MAGI2: variants seen among roughly 807,000 people sequenced by gnomAD.
MAGI2 encodes the protein membrane associated guanylate kinase, WW and PDZ domain containing 2, also known as membrane-associated guanylate kinase, WW and PDZ domain-containing protein 2.
MAGI2 carries 35 observed loss-of-function variants against 133.3 expected under a neutral mutation model. The ratio of observed to expected loss-of-function variants is 0.26; its 90% CI spans 0.20 to 0.35. MAGI2 has a LOEUF of 0.35. MAGI2 is among the 10% of genes least tolerant of loss of function. The pLI, the probability that MAGI2 is intolerant of heterozygous loss-of-function variation, is 1.00. For synonymous variants in MAGI2, 729 were observed against 710.6 expected (o/e 1.03, Z -0.41); for missense variants, 1,636 against 1,863.4 (o/e 0.88, Z 2.25).
At chr7:79,187,870 G>GTTTTT in intron 1 of MAGI2, among the ~76,000 whole-genome samples, 2 of 151,796 alleles carry the variant, frequency 1.3e-5, no homozygotes, top group Non-Finnish European at 2.9e-5. Context: ...TGAGATACAG[G>GTTTTT]AGACCTAAAT....
At chr7:79,025,848 A>G (rs1242887756) in intron 1 of MAGI2, among the ~76,000 whole-genome samples, 1 of 152,238 alleles carries the variant, frequency 6.6e-6, no homozygotes, top group East Asian at 1.9e-4. Flanking sequence ...ACTGGAAAAG[A>G]AAGCTATTTA....
At chr7:79,222,948 T>A (rs1161071563) in intron 1 of MAGI2, among the ~76,000 whole-genome samples, 1 of 151,964 alleles carries the variant, frequency 6.6e-6, no homozygotes, top group Admixed American at 6.6e-5. Flanking sequence ...GCAGTGGCGC[T>A]GTCTCGGCTC....
chr7:78,698,155 A>T (rs1585120480), intron 2 of MAGI2, among the ~76,000 whole-genome samples: 1 of 152,334 alleles, frequency 6.6e-6, no homozygotes, highest in East Asian at 1.9e-4. Context: ...AGGAAATTAT[A>T]TTCATATTTC....
At chr7:78,735,245 T>C (rs1821737257) in intron 2 of MAGI2, among the ~76,000 whole-genome samples, 1 of 152,164 alleles carries the variant, frequency 6.6e-6, no homozygotes, top group Non-Finnish European at 1.5e-5. Context: ...ATTTCTTTGT[T>C]TTACCTTGTA....
intron 1 of MAGI2, among the ~76,000 whole-genome samples, chr7:79,073,742 A>C (rs1362517495): frequency 6.6e-6 from 1 of 150,852 alleles, no homozygotes; most frequent in Admixed American, 6.6e-5. Context: ...TGATCTGGGC[A>C]CCCCCCTGCC....
At chr7:78,464,484 G>GC (rs2151520398) in intron 6 of MAGI2, among the ~76,000 whole-genome samples, 1 of 152,128 alleles carries the variant, frequency 6.6e-6, no homozygotes, top group African/African-American at 2.4e-5. Context: ...CCTTTTAAAG[G>GC]CTTCTTCCTG....
intron 1 of MAGI2, among the ~76,000 whole-genome samples, chr7:79,142,910 G>T (rs547073161): frequency 2.6e-5 from 4 of 152,226 alleles, no homozygotes; most frequent in African/African-American, 9.6e-5. Context: ...CACCCTTTTT[G>T]CTCTTTGACA....
intron 1 of MAGI2, among the ~76,000 whole-genome samples, chr7:79,398,575 G>A (rs867380851): frequency 3.3e-5 from 5 of 152,180 alleles, no homozygotes; most frequent in Admixed American, 1.3e-4. Context: ...TTTCATCAGT[G>A]ATGAATTCAT....
intron 2 of MAGI2, among the ~76,000 whole-genome samples, chr7:78,735,230 C>T (rs1443743316): frequency 6.6e-6 from 1 of 151,912 alleles, no homozygotes; most frequent in East Asian, 1.9e-4. Flanking sequence ...ATCAGAAGAC[C>T]TTATATTTCT....
chr7:79,384,686 A>C (rs1844053295), intron 1 of MAGI2, among the ~76,000 whole-genome samples: 1 of 151,684 alleles, frequency 6.6e-6, no homozygotes, highest in Non-Finnish European at 1.5e-5. Context: ...TAAATAGGTA[A>C]AATTTTTTGC....
intron 20 of MAGI2, among the ~76,000 whole-genome samples, chr7:78,117,125 C>T (rs1017699503): frequency 1.3e-5 from 2 of 151,054 alleles, no homozygotes; most frequent in Non-Finnish European, 2.9e-5. Context: ...CATACATAAA[C>T]TTTCCCAGAC....
At chr7:78,422,581 A>C (rs1256303832) in intron 6 of MAGI2, among the ~76,000 whole-genome samples, 1 of 84,298 alleles carries the variant, frequency 1.2e-5, no homozygotes, top group Non-Finnish European at 2.2e-5. Context: ...GTGTAAAGGC[A>C]AAAAAAAAAA....
Position 79,204,459 on chromosome 7 carries a change from C to T in MAGI2, c.302-197253G>A, listed in dbSNP as rs10255571. On this transcript the variant is annotated intron_variant, in intron 1 of 21. Transcript: ENST00000354212. ...TTGCAGCTGCACCAGGCTTCTGGTG[C>T]ACCCCAGCACAGCATTTGCACAGGG... Among the ~76,000 whole-genome samples, 1,377 of 152,150 alleles carry T rather than the reference C, an allele frequency of 9.1e-3. 41 individuals are homozygous for T. Among genetic ancestry groups the T allele is most frequent in the African/African-American group, 0.032 (1,323 of 41,440 alleles).
At chr7:78,231,474 A>G (rs1386544709) in intron 10 of MAGI2, among the ~76,000 whole-genome samples, 1 of 152,238 alleles carries the variant, frequency 6.6e-6, no homozygotes, top group Non-Finnish European at 1.5e-5. Flanking sequence ...AACGAAAAAC[A>G]AATTCCATTC....
chr7:78,648,738 T>C (rs941928411), intron 2 of MAGI2, among the ~76,000 whole-genome samples: 2 of 152,198 alleles, frequency 1.3e-5, no homozygotes, highest in Non-Finnish European at 2.9e-5. Context: ...GCATTGTGTT[T>C]TTACATTGCA....
At chr7:78,624,943 C>G (rs578099947) in intron 3 of MAGI2, among the ~76,000 whole-genome samples, 37 of 152,092 alleles carry the variant, frequency 2.4e-4, no homozygotes, top group African/African-American at 8.9e-4. Flanking sequence ...TGTTAAACAG[C>G]CTCGGGCAGG....
At position 78,811,318 on chromosome 7, in the gene MAGI2, G is replaced by A. The variant is rs117175984; in HGVS notation, c.419-184079C>T. On this transcript the variant is annotated intron_variant, in intron 2 of 21. Coordinates refer to ENST00000354212, the MANE Select transcript of MAGI2 (RefSeq NM_012301.4). ...TGTATTTTAATTTATAACACTTAGA[G>A]GACCTAAGAAGATGCTGATAGAGCT... Among the ~76,000 whole-genome samples, 1,461 of 151,930 alleles carry A rather than the reference G, an allele frequency of 9.6e-3. 12 individuals are homozygous for A. The highest frequency in any genetic ancestry group is 0.012 in the Non-Finnish European group (796 of 67,916).
chr7:78,750,005 G>A (rs753488414), intron 2 of MAGI2, among the ~76,000 whole-genome samples: 11 of 151,996 alleles, frequency 7.2e-5, no homozygotes, highest in Non-Finnish European at 1.2e-4. Flanking sequence ...TCTACATTAG[G>A]TATTTCTCCT....
At chr7:79,304,354 T>C (rs1585499404) in intron 1 of MAGI2, among the ~76,000 whole-genome samples, 1 of 151,978 alleles carries the variant, frequency 6.6e-6, no homozygotes, top group Admixed American at 6.6e-5. Context: ...ATAGAGTATT[T>C]GTATTATATG....
Sources: allele counts gnomAD v4.1 joint callset (sites outside exome capture counted in the v4.1 genomes callset), GRCh38; gene constraint gnomAD v4.1.1; transcripts MANE v1.5; gene names NCBI Gene and HGNC (gene_info 2026-07-23, HGNC 2026-07-21).